Variants in HSF5 observed in about 807,000 individuals in gnomAD.
HSF5 encodes heat shock transcription factor 5.
Under a neutral mutation model 50.8 loss-of-function variants are expected in HSF5, and 5 were observed. The observed-to-expected ratio is 0.10, with a 90% confidence interval of 0.05 to 0.21. HSF5 has a LOEUF of 0.21. Ranked by LOEUF, HSF5 falls within the 10% of genes least tolerant of loss-of-function variation. The pLI is 1.00. For synonymous variants in HSF5, 307 were observed against 307.4 expected (o/e 1.00, Z 0.02); for missense variants, 564 against 762.6 (o/e 0.74, Z 3.07).
intron 5 of HSF5, among the ~76,000 whole-genome samples, chr17:58,442,081 C>G (rs1386814405): frequency 6.6e-6 from 1 of 152,186 alleles, no homozygotes; most frequent in African/African-American, 2.4e-5. Flanking sequence ...TTGGCATTGT[C>G]TCTCTTGGGG....
At position 58,487,990 on chromosome 17, in the gene HSF5, G is replaced by T. The variant is rs559562864; in HGVS notation, c.285C>A (p.Gly95=). The T allele has an allele frequency of 6.2e-7, 1 of 1,610,346 alleles. No individual in the cohort carries two copies. The highest frequency in any genetic ancestry group is 8.5e-7 in the Non-Finnish European group (1 of 1,179,168). ...NLYGFRKVVL[G]GPGGGKPAGN... ...CTGCCGGTTTGCCGCCCCCCGGCCC[G>T]CCCAGCACCACCTTGCGGAAGCCGT... is the stretch of plus-strand genomic sequence containing the variant. Residue 95 remains glycine, a synonymous_variant, in exon 1 of 6, where the codon GGC becomes GGA. Coordinates refer to ENST00000323777, the MANE Select transcript of HSF5 (RefSeq NM_001080439.3).
intron 2 of HSF5, among the ~76,000 whole-genome samples, chr17:58,475,317 G>GT (rs1974998499): frequency 6.6e-6 from 1 of 152,238 alleles, no homozygotes; most frequent in African/African-American, 2.4e-5. Flanking sequence ...TAGTTTTATC[G>GT]TAACAAAGCA....
intron 5 of HSF5, among the ~76,000 whole-genome samples, chr17:58,449,187 T>C (rs1012316876): frequency 6.6e-5 from 10 of 151,966 alleles, no homozygotes; most frequent in African/African-American, 2.4e-4. Context: ...CCAAAGAAAA[T>C]CACTTACCCA....
intron 5 of HSF5, among the ~76,000 whole-genome samples, chr17:58,430,678 T>C (rs1427572523): frequency 6.6e-6 from 1 of 152,156 alleles, no homozygotes; most frequent in African/African-American, 2.4e-5. Flanking sequence ...GCTTCCCTGG[T>C]TCTGTGGCCT....
At chr17:58,475,046 C>T (rs972756433) in intron 2 of HSF5, among the ~76,000 whole-genome samples, 2 of 152,062 alleles carry the variant, frequency 1.3e-5, no homozygotes, top group Non-Finnish European at 2.9e-5. Context: ...ATCATCCTTA[C>T]TTCATGTAAT....
chr17:58,488,298 C>G lies in HSF5; in HGVS notation c.-24G>C. On this transcript the variant is annotated 5_prime_UTR_variant, in exon 1 of 6. Transcript: ENST00000323777. The surrounding 1 kb of genome is among the most constrained non-coding windows in gnomAD (Gnocchi z 4.1). ...ATCGCCCCGCCGGGCCGGGGCCTCG[C>G]CCCCCGAGCCTAGCTCTCCCACACC... The G allele has an allele frequency of 6.9e-7, 1 of 1,450,874 alleles. No homozygotes were observed. The highest frequency in any genetic ancestry group is 9.0e-7 in the Non-Finnish European group (1 of 1,114,378). The allele number at this position is 1,450,874 out of a possible 1,614,324, so 89.9% of individuals were successfully genotyped here. A position where few individuals can be genotyped will look rare whatever the true frequency, so the allele number is the denominator to read the frequency against.
chr17:58,457,416 T>C (rs1974726849), intron 5 of HSF5, among the ~76,000 whole-genome samples: 1 of 151,830 alleles, frequency 6.6e-6, no homozygotes, highest in South Asian at 2.1e-4. Flanking sequence ...CTGGCCAACA[T>C]GGTGAAACCC....
intron 5 of HSF5, among the ~76,000 whole-genome samples, 177 bp downstream of exon 5, chr17:58,458,591 T>G (rs879928255): frequency 5.3e-5 from 8 of 152,210 alleles, no homozygotes; most frequent in African/African-American, 1.2e-4. Context: ...TATTACATAC[T>G]TCACAACAAT....
intron 5 of HSF5, among the ~76,000 whole-genome samples, chr17:58,427,464 G>A (rs2143725232): frequency 6.6e-6 from 1 of 152,200 alleles, no homozygotes; most frequent in East Asian, 1.9e-4. Context: ...AACAGTTAAT[G>A]TCAGAATTAT....
At chr17:58,460,787 A>C (rs1974785344) in intron 4 of HSF5, among the ~76,000 whole-genome samples, 1 of 151,060 alleles carries the variant, frequency 6.6e-6, no homozygotes, top group Middle Eastern at 3.4e-3. Flanking sequence ...GGGATTACAG[A>C]CGTGAGCCAC....
chr17:58,457,674 T>C (rs1021289218), intron 5 of HSF5, among the ~76,000 whole-genome samples: 5 of 152,206 alleles, frequency 3.3e-5, no homozygotes, highest in African/African-American at 1.2e-4. Context: ...TTTCCTGATG[T>C]TTAAAATGAC....
intron 5 of HSF5, among the ~76,000 whole-genome samples, chr17:58,440,729 A>G (rs879059572): frequency 6.6e-6 from 1 of 152,202 alleles, no homozygotes; most frequent in Non-Finnish European, 1.5e-5. Context: ...CCAAGCTTGA[A>G]AAATTTTGGC....
At chr17:58,429,339 T>A (rs749079997) in intron 5 of HSF5, among the ~76,000 whole-genome samples, 98 of 152,268 alleles carry the variant, frequency 6.4e-4, no homozygotes, top group Middle Eastern at 3.4e-3. Context: ...AGGTTGTATA[T>A]CATTATGAAT....
chr17:58,442,201 T>A (rs1974507261), intron 5 of HSF5, among the ~76,000 whole-genome samples: 3 of 152,190 alleles, frequency 2.0e-5, no homozygotes, highest in African/African-American at 7.2e-5. Context: ...TACCTCTTCT[T>A]CCATGGTGGT....
At chr17:58,462,364 C>T (rs1974805782) in intron 4 of HSF5, among the ~76,000 whole-genome samples, 1 of 152,178 alleles carries the variant, frequency 6.6e-6, no homozygotes, top group South Asian at 2.1e-4. Context: ...ATCTCCTTAC[C>T]TCCATGCTAC....
chr17:58,460,127 C>T (rs1974770745), intron 4 of HSF5, among the ~76,000 whole-genome samples: 1 of 152,062 alleles, frequency 6.6e-6, no homozygotes. Flanking sequence ...AAGCTATCCT[C>T]CCACCTCAGC....
intron 5 of HSF5, among the ~76,000 whole-genome samples, chr17:58,429,107 A>T (rs1372826830): frequency 6.6e-6 from 1 of 152,260 alleles, no homozygotes; most frequent in East Asian, 1.9e-4. Context: ...GATGAACCTT[A>T]GAAAACATTA....
intron 5 of HSF5, among the ~76,000 whole-genome samples, chr17:58,429,582 A>C (rs1180270206): frequency 6.6e-6 from 1 of 152,154 alleles, no homozygotes. Context: ...GTGGTGGCTC[A>C]CACCTGTAAT....
chr17:58,432,251 A>G (rs1215853391), intron 5 of HSF5, among the ~76,000 whole-genome samples: 1 of 152,218 alleles, frequency 6.6e-6, no homozygotes, highest in African/African-American at 2.4e-5. Context: ...GGGTAAAACA[A>G]CCACAGAGAA....
Sources: allele counts gnomAD v4.1 joint callset (sites outside exome capture counted in the v4.1 genomes callset), GRCh38; gene constraint gnomAD v4.1.1; non-coding constraint Gnocchi (gnomAD v3.1); transcripts MANE v1.5; gene names NCBI Gene and HGNC (gene_info 2026-07-23, HGNC 2026-07-21).